Variants in PPM1H observed in about 807,000 individuals in gnomAD.
PPM1H encodes the protein protein phosphatase 1H.
A neutral mutation model predicts 54.9 loss-of-function variants in PPM1H; 27 were observed. That is an observed-to-expected ratio of 0.49 (90% confidence interval 0.36 to 0.68). The LOEUF (loss-of-function observed/expected upper bound fraction) is 0.68, where lower values mean the gene tolerates loss of function less well. Ranked by LOEUF, PPM1H falls within the 30% of genes least tolerant of loss-of-function variation. The pLI is 0.00. For synonymous variants in PPM1H, 305 were observed against 270.8 expected (o/e 1.13, Z -1.24); for missense variants, 596 against 667.8 (o/e 0.89, Z 1.19).
chr12:62,828,712 G>A (rs1335546622), intron 2 of PPM1H, among the ~76,000 whole-genome samples: 1 of 152,082 alleles, frequency 6.6e-6, no homozygotes, highest in African/African-American at 2.4e-5. Flanking sequence ...TCCTCACTAG[G>A]TAATGGTTTT....
intron 6 of PPM1H, among the ~76,000 whole-genome samples, chr12:62,704,552 T>A (rs1592553266): frequency 6.6e-6 from 1 of 152,222 alleles, no homozygotes; most frequent in Non-Finnish European, 1.5e-5. Flanking sequence ...TTAAATTAGT[T>A]GAAGCCTATA....
intron 3 of PPM1H, among the ~76,000 whole-genome samples, chr12:62,789,621 T>C (rs1230787786): frequency 1.3e-5 from 2 of 152,242 alleles, no homozygotes; most frequent in African/African-American, 4.8e-5. Context: ...CGTCACGTAG[T>C]GTGCTGAGCA....
intron 1 of PPM1H, among the ~76,000 whole-genome samples, chr12:62,832,592 G>A (rs540828402): frequency 6.6e-6 from 1 of 152,262 alleles, no homozygotes; most frequent in South Asian, 2.1e-4. Context: ...CACTCTTTCA[G>A]GTTAAGGAAC....
chr12:62,927,842 A>G (rs759291790), intron 1 of PPM1H, among the ~76,000 whole-genome samples: 7 of 152,162 alleles, frequency 4.6e-5, no homozygotes, highest in Admixed American at 1.3e-4. Context: ...AAATACTAAC[A>G]GTGGCTAATG....
chr12:62,696,914 G>T (rs2076118023), intron 6 of PPM1H, among the ~76,000 whole-genome samples: 1 of 152,182 alleles, frequency 6.6e-6, no homozygotes, highest in South Asian at 2.1e-4. Context: ...TCTCATTCTA[G>T]TCCGAGTCTG....
rs1375241130 is a variant in PPM1H, at chr12:62,934,947, C to A, written c.-211G>T. ...TGCCGCGGTGGCCGCCGCCTCCCCC[C>A]GCTACACTTCCGCAACGGAGCTGCA... On this transcript the variant is annotated 5_prime_UTR_variant, in exon 1 of 10. Transcript: ENST00000228705. This position sits in a 1 kb window ranked among gnomAD's most constrained non-coding sequence, Gnocchi z 4.2. The A allele has an allele frequency of 9.5e-6, 3 of 314,822 alleles. No homozygotes were observed. The highest frequency in any genetic ancestry group is 6.7e-5 in the East Asian group (1 of 14,960). 19.5% of individuals were successfully genotyped at this position (314,822 alleles called of 1,614,324 possible).
intron 2 of PPM1H, among the ~76,000 whole-genome samples, chr12:62,827,614 G>C (rs1868304996): frequency 6.6e-6 from 1 of 152,130 alleles, no homozygotes; most frequent in Non-Finnish European, 1.5e-5. Context: ...CCCTCCAAGA[G>C]ACCATATATT....
intron 6 of PPM1H, among the ~76,000 whole-genome samples, chr12:62,714,261 G>GTGGC (rs1438696594): frequency 6.6e-6 from 1 of 152,196 alleles, no homozygotes. Flanking sequence ...ATGGCCACAT[G>GTGGC]TGGCTAGTGG....
At chr12:62,833,874 C>CG (rs2120866133) in intron 1 of PPM1H, among the ~76,000 whole-genome samples, 1 of 149,502 alleles carries the variant, frequency 6.7e-6, no homozygotes, top group East Asian at 1.9e-4. Flanking sequence ...AGCCATCTAT[C>CG]TTTTCAATTG....
intron 1 of PPM1H, among the ~76,000 whole-genome samples, chr12:62,882,214 C>T (rs1196111677): frequency 1.3e-5 from 2 of 152,236 alleles, no homozygotes; most frequent in Non-Finnish European, 2.9e-5. Context: ...TGCTAAGCAT[C>T]TATACACTAT....
chr12:62,771,045 G>GACACACACAC (rs71086630), intron 4 of PPM1H, among the ~76,000 whole-genome samples: 6,478 of 129,396 alleles, frequency 0.05, 212 homozygotes, highest in South Asian at 0.084. Context: ...AAAAGAAAAA[G>GACACACACAC]ACACACACAC....
chr12:62,708,835 C>G (rs2076190398), intron 6 of PPM1H, among the ~76,000 whole-genome samples: 2 of 152,178 alleles, frequency 1.3e-5, no homozygotes, highest in African/African-American at 4.8e-5. Flanking sequence ...AGTGTCAGCA[C>G]AGTACCCAAT....
At chr12:62,659,976 C>T (rs1391283647) in intron 9 of PPM1H, among the ~76,000 whole-genome samples, 1 of 152,210 alleles carries the variant, frequency 6.6e-6, no homozygotes, top group East Asian at 1.9e-4. Context: ...AACAGGCAAA[C>T]GTGTAGTCCC....
intron 9 of PPM1H, among the ~76,000 whole-genome samples, chr12:62,664,732 T>C (rs1344401552): frequency 6.6e-6 from 1 of 152,242 alleles, no homozygotes; most frequent in Non-Finnish European, 1.5e-5. Context: ...AGATATTTCC[T>C]GTGGGATCAT....
chr12:62,849,859 T>C (rs1869114482), intron 1 of PPM1H, among the ~76,000 whole-genome samples: 1 of 152,212 alleles, frequency 6.6e-6, no homozygotes, highest in Admixed American at 6.5e-5. Flanking sequence ...AAATTTTAGC[T>C]CTAATCCAAA....
At chr12:62,746,343 C>T (rs554726868) in intron 4 of PPM1H, among the ~76,000 whole-genome samples, 1 of 152,330 alleles carries the variant, frequency 6.6e-6, no homozygotes, top group South Asian at 2.1e-4. Context: ...AGTATATATC[C>T]AGGTGTGATT....
rs1868593341 is a variant in PPM1H at position 62,838,691 on chromosome 12, GC to G, written c.246-6413del. Among the ~76,000 whole-genome samples, 2 of 102,588 alleles carry G rather than the reference GC, an allele frequency of 1.9e-5. 1 individual carries two copies. The highest frequency in any genetic ancestry group is 4.0e-5 in the Non-Finnish European group (2 of 50,282). The allele number at this position is 102,588 out of a possible 152,430, so 67.3% of individuals were successfully genotyped here. ...AATCCCAGCACTTTGGGAGGCCGAG[GC>G]GGGCGGATCACGAGGTCAGGAGATC... On this transcript the variant is annotated intron_variant, in intron 1 of 9. Transcript: ENST00000228705.
chr12:62,779,176 T>C (rs569652994), intron 4 of PPM1H, among the ~76,000 whole-genome samples: 191 of 152,188 alleles, frequency 1.3e-3, no homozygotes, highest in African/African-American at 4.3e-3. Context: ...TAGCTGGGAT[T>C]ACAGGCCCAC....
chr12:62,777,703 A>C (rs2076619520), intron 4 of PPM1H, among the ~76,000 whole-genome samples: 1 of 152,262 alleles, frequency 6.6e-6, no homozygotes, highest in Non-Finnish European at 1.5e-5. Flanking sequence ...ATAAGAAACG[A>C]AACTATTAAA....
Sources: allele counts gnomAD v4.1 joint callset (sites outside exome capture counted in the v4.1 genomes callset), GRCh38; gene constraint gnomAD v4.1.1; non-coding constraint Gnocchi (gnomAD v3.1); transcripts MANE v1.5; gene names NCBI Gene and HGNC (gene_info 2026-07-23, HGNC 2026-07-21).